CAT: variants seen among roughly 807,000 people sequenced by gnomAD.
CAT encodes epididymis secretory sperm binding protein.
A neutral mutation model predicts 59.0 loss-of-function variants in CAT; 43 were observed. The ratio of observed to expected loss-of-function variants is 0.73; its 90% CI spans 0.57 to 0.94. The LOEUF (loss-of-function observed/expected upper bound fraction) is 0.94, where lower values mean the gene tolerates loss of function less well. CAT is among the 40% of genes least tolerant of loss of function. The pLI is 0.00. For synonymous variants in CAT, 218 were observed against 230.9 expected, an observed-to-expected ratio of 0.94 and a Z score of 0.51; for missense variants, 664 against 682.9, an observed-to-expected ratio of 0.97 and a Z score of 0.31.
chr11:34,466,801 A>AAAAAAG (rs1856724674), intron 10 of CAT, among the ~76,000 whole-genome samples: 1 of 150,368 alleles, frequency 6.7e-6, no homozygotes, highest in Non-Finnish European at 1.5e-5. Flanking sequence ...AAAAAAAAAA[A>AAAAAAG]AAAGAAAATA....
intron 11 of CAT, among the ~76,000 whole-genome samples, chr11:34,470,071 TAG>T (rs1010692466): frequency 6.6e-6 from 1 of 152,162 alleles, no homozygotes; most frequent in African/African-American, 2.4e-5. Context: ...CTCCTGGAGC[TAG>T]AGTCAGAACC....
chr11:34,449,395 T>C (rs1263982663), intron 2 of CAT, 32 bp downstream of exon 2: 4 of 1,590,726 alleles, frequency 2.5e-6, no homozygotes, highest in Non-Finnish European at 2.6e-6. Flanking sequence ...TGTAAAAAGA[T>C]TGTTTCACAG....
intron 1 of CAT, among the ~76,000 whole-genome samples, chr11:34,446,365 C>T (rs1397966067): frequency 6.6e-6 from 1 of 152,164 alleles, no homozygotes; most frequent in Non-Finnish European, 1.5e-5. Context: ...AACTTAAAAA[C>T]TCAGGTTTCA....
intron 2 of CAT, 57 bp from the exon 3 acceptor site, chr11:34,450,931 G>T: frequency 8.8e-7 from 1 of 1,131,842 alleles, no homozygotes; most frequent in South Asian, 1.2e-5. Context: ...GCCTGTTGAG[G>T]ACCTGAATGT....
intron 11 of CAT, 125 bp downstream of exon 11, chr11:34,468,520 A>T (rs527283554): frequency 6.2e-5 from 44 of 704,972 alleles, no homozygotes; most frequent in East Asian, 1.6e-4. Context: ...TAAAAAAAAA[A>T]AAATAAACTA....
intron 11 of CAT, among the ~76,000 whole-genome samples, chr11:34,469,801 G>T (rs968871846): frequency 6.6e-6 from 1 of 151,944 alleles, no homozygotes; most frequent in Non-Finnish European, 1.5e-5. Context: ...CAGTAGCTTG[G>T]ACTACAGGCA....
intron 1 of CAT, among the ~76,000 whole-genome samples, chr11:34,444,825 G>GT (rs1856430289): frequency 6.6e-6 from 1 of 152,154 alleles, no homozygotes; most frequent in East Asian, 1.9e-4. Context: ...CTGGCCAAAA[G>GT]AAGCCTATAA....
chr11:34,445,807 G>A (rs917552379), intron 1 of CAT, among the ~76,000 whole-genome samples: 2 of 152,178 alleles, frequency 1.3e-5, no homozygotes, highest in Non-Finnish European at 2.9e-5. Flanking sequence ...ATAATTGCAA[G>A]TTGGAGGAAA....
chr11:34,450,877 C>T (rs767557224), intron 2 of CAT, 111 bp from the exon 3 acceptor site: 42 of 799,944 alleles, frequency 5.3e-5, no homozygotes, highest in Non-Finnish European at 9.3e-5. Context: ...CTGGAAGCTC[C>T]CAGAAGGCTG....
rs956323304 is a variant in CAT, at chr11:34,456,688, T to A, written c.927T>A (p.Pro309=). 2.2e-5 allele frequency: 36 copies of A among 1,614,142 alleles called. No individual in the cohort carries two copies. The highest frequency in any genetic ancestry group is 3.0e-5 in the Non-Finnish European group (35 of 1,179,944). ...AGGTTTGGCCTCACAAGGACTACCC[T>A]CTCATCCCAGTTGGTAAACTGGTCT... ...LTKVWPHKDY[P]LIPVGKLVLN... The change falls in exon 8 of 13, where the codon CCT becomes CCA. Residue 309 remains proline, a synonymous_variant. Coordinates refer to ENST00000241052, the MANE Select transcript of CAT (RefSeq NM_001752.4).
intron 11 of CAT, among the ~76,000 whole-genome samples, chr11:34,469,226 C>T (rs975466091): frequency 1.3e-5 from 2 of 152,186 alleles, no homozygotes; most frequent in South Asian, 4.1e-4. Flanking sequence ...GCTGGGCTAG[C>T]AGCTGTCTGG....
chr11:34,440,235 C>T (rs80053580), intron 1 of CAT, among the ~76,000 whole-genome samples: 1 of 152,310 alleles, frequency 6.6e-6, no homozygotes, highest in Non-Finnish European at 1.5e-5. Flanking sequence ...TAATGGTTCC[C>T]TGTTTGGGAA....
intron 11 of CAT, chr11:34,468,612 A>G (rs942357025): frequency 6.7e-6 from 4 of 600,948 alleles, no homozygotes; most frequent in African/African-American, 3.7e-5. Context: ...CTGTTTGTCC[A>G]GTGTGTACTA....
At chr11:34,440,230 G>A (rs567587217) in intron 1 of CAT, among the ~76,000 whole-genome samples, 1 of 152,206 alleles carries the variant, frequency 6.6e-6, no homozygotes, top group East Asian at 1.9e-4. Flanking sequence ...TGCTTTAATG[G>A]TTCCCTGTTT....
At chr11:34,468,943 T>C (rs1164858165) in intron 11 of CAT, among the ~76,000 whole-genome samples, 2 of 152,246 alleles carry the variant, frequency 1.3e-5, no homozygotes, top group East Asian at 3.8e-4. Context: ...GTTTAAAACC[T>C]GCCTAAAGGC....
At chr11:34,443,361 CT>C (rs1856413589) in intron 1 of CAT, among the ~76,000 whole-genome samples, 1 of 152,220 alleles carries the variant, frequency 6.6e-6, no homozygotes, top group Non-Finnish European at 1.5e-5. Context: ...GTTTTGTAAA[CT>C]TTAATAAGTG....
chr11:34,469,985 T>C (rs1856757345), intron 11 of CAT, among the ~76,000 whole-genome samples: 1 of 152,120 alleles, frequency 6.6e-6, no homozygotes, highest in Admixed American at 6.5e-5. Context: ...TGGGTTTTTT[T>C]CCCCGACAAT....
intron 1 of CAT, 53 bp from the exon 2 acceptor site, chr11:34,449,139 T>C (rs1167456296): frequency 3.4e-6 from 5 of 1,481,570 alleles, no homozygotes; most frequent in East Asian, 2.3e-5. Context: ...ACAGTGTAAA[T>C]GAAAGGTTTG....
At position 34,471,027 on chromosome 11, in the gene CAT, G is replaced by A; in HGVS notation, c.1504G>A (p.Ala502Thr). 6.2e-7 allele frequency: 1 copy of A among 1,614,186 alleles called. No homozygotes were observed. The highest frequency in any genetic ancestry group is 8.5e-7 in the Non-Finnish European group (1 of 1,179,984). ...CCAGGCTCTTCTGGACAAGTACAAT[G>A]CTGAGAAGCCTAAGGTAAGCTGGGA... Reference protein sequence around the residue: ...HIQALLDKYNAEKPKNAIHTF... With the variant: ...HIQALLDKYNTEKPKNAIHTF... The change falls in exon 12 of 13, where the codon GCT (alanine) becomes ACT (threonine). Residue 502 changes from alanine (A) to threonine (T), a missense_variant. Physicochemically the swap from Ala to Thr is moderately conservative, Grantham distance 58. Coordinates refer to ENST00000241052, the MANE Select transcript of CAT (RefSeq NM_001752.4).
Sources: gnomAD v4.1 joint callset for allele counts (sites outside exome capture counted in the v4.1 genomes callset) on GRCh38, gnomAD v4.1.1 for gene constraint, MANE v1.5 for transcripts, NCBI Gene and HGNC (gene_info 2026-07-23, HGNC 2026-07-21) for gene names.